The following ERC2 variants were observed in gnomAD, a reference collection of about 807,000 sequenced individuals.
The protein encoded by ERC2 is ERC protein 2.
In ERC2, 42 loss-of-function variants were observed where a neutral mutation model predicts 114.8. The ratio of observed to expected loss-of-function variants is 0.37; its 90% CI spans 0.29 to 0.47. The LOEUF (loss-of-function observed/expected upper bound fraction) is 0.47. ERC2 is among the 20% of genes least tolerant of loss of function. The probability of loss-of-function intolerance (pLI) is 0.99; values close to 1 mark genes in which losing one functional copy is unlikely to be tolerated. For synonymous variants in ERC2, 454 were observed against 425.5 expected (o/e 1.07, Z -0.82); for missense variants, 939 against 1,150.7 (o/e 0.82, Z 2.66).
chr3:55,673,554 GC>G, intron 17 of ERC2, among the ~76,000 whole-genome samples: 1 of 151,990 alleles, frequency 6.6e-6, no homozygotes, highest in Admixed American at 6.5e-5. Context: ...CTGCACTCTA[GC>G]CCGGTGACAA....
At chr3:56,392,315 G>A (rs1454338611) in intron 2 of ERC2, among the ~76,000 whole-genome samples, 3 of 152,004 alleles carry the variant, frequency 2.0e-5, no homozygotes, top group African/African-American at 7.2e-5. Context: ...TATATCTTTG[G>A]TTCTCCATTC....
At chr3:55,830,655 G>T (rs2060527713) in intron 14 of ERC2, among the ~76,000 whole-genome samples, 1 of 152,126 alleles carries the variant, frequency 6.6e-6, no homozygotes, top group African/African-American at 2.4e-5. Context: ...CACTAAAAAT[G>T]CAAAGAGGCT....
chr3:56,294,029 C>T (rs1256971183), intron 3 of ERC2, among the ~76,000 whole-genome samples: 1 of 152,236 alleles, frequency 6.6e-6, no homozygotes, highest in African/African-American at 2.4e-5. Flanking sequence ...CAAAATAAAA[C>T]AGCAGCTTTT....
At chr3:55,714,661 G>GTGTATATATATATATGTATATATATA (rs2063980174) in intron 15 of ERC2, among the ~76,000 whole-genome samples, 7 of 71,760 alleles carry the variant, frequency 9.8e-5, no homozygotes, top group African/African-American at 3.5e-4. Context: ...GTGTGTGTGT[G>GTGTATATATATATATGTATATATATA]TGTGTGTATA....
intron 15 of ERC2, among the ~76,000 whole-genome samples, chr3:55,733,403 CTCTCTG>C (rs2065385176): frequency 6.6e-6 from 1 of 151,684 alleles, no homozygotes; most frequent in African/African-American, 2.4e-5. Context: ...AGTGGTCTGT[CTCTCTG>C]TCTCTCTTTC....
At chr3:56,020,467 A>C (rs2149593556) in intron 7 of ERC2, among the ~76,000 whole-genome samples, 1 of 152,300 alleles carries the variant, frequency 6.6e-6, no homozygotes, top group East Asian at 1.9e-4. Flanking sequence ...ACTCCTTGGA[A>C]AACACAGCAA....
At chr3:55,553,640 C>T (rs994505892) in intron 17 of ERC2, among the ~76,000 whole-genome samples, 1 of 151,986 alleles carries the variant, frequency 6.6e-6, no homozygotes, top group Non-Finnish European at 1.5e-5. Flanking sequence ...ATTAGCTGGG[C>T]GTAGTGGCGG....
chr3:56,105,096 A>T (rs1425966886), intron 6 of ERC2, among the ~76,000 whole-genome samples: 1 of 148,304 alleles, frequency 6.7e-6, no homozygotes, highest in Non-Finnish European at 1.5e-5. Context: ...GCCAGCACAG[A>T]AAAAAAAAAC....
intron 5 of ERC2, among the ~76,000 whole-genome samples, chr3:56,145,147 C>A (rs1400333048): frequency 6.6e-6 from 1 of 152,130 alleles, no homozygotes. Flanking sequence ...TTTTTCACTG[C>A]AGATATGGCC....
chr3:55,751,227 C>T (rs2066685291), intron 14 of ERC2, among the ~76,000 whole-genome samples: 1 of 152,184 alleles, frequency 6.6e-6, no homozygotes, highest in Admixed American at 6.5e-5. Flanking sequence ...ATTGTTTGTA[C>T]TGAGTGACCG....
At chr3:56,149,168 G>C (rs911797531) in intron 4 of ERC2, 36 bp from the exon 5 acceptor site, 2 of 1,509,958 alleles carry the variant, frequency 1.3e-6, no homozygotes, top group Middle Eastern at 1.9e-4. Flanking sequence ...GAAAAATAAA[G>C]AATAAAAATT....
At chr3:55,532,844 T>C (rs1356926226) in intron 17 of ERC2, among the ~76,000 whole-genome samples, 1 of 152,222 alleles carries the variant, frequency 6.6e-6, no homozygotes, top group East Asian at 1.9e-4. Context: ...TTTAATAAAC[T>C]CTTGGTAGAG....
At chr3:55,705,389 T>A (rs1374874844) in intron 15 of ERC2, among the ~76,000 whole-genome samples, 1 of 152,166 alleles carries the variant, frequency 6.6e-6, no homozygotes, top group Non-Finnish European at 1.5e-5. Flanking sequence ...AAATGTGAGA[T>A]ATGCAAGTGT....
chr3:55,924,896 T>A (rs1185376758), intron 13 of ERC2, among the ~76,000 whole-genome samples: 1 of 152,172 alleles, frequency 6.6e-6, no homozygotes, highest in Non-Finnish European at 1.5e-5. Context: ...GTGAGCTTGA[T>A]CTGACTAGGG....
At chr3:55,571,124 CAAAAAAAAAA>C (rs60594862) in intron 17 of ERC2, among the ~76,000 whole-genome samples, 63 of 67,432 alleles carry the variant, frequency 9.3e-4, no homozygotes, top group Admixed American at 2.0e-3. Context: ...GAGACTCCGT[CAAAAAAAAAA>C]AAAAAAAAAA....
intron 7 of ERC2, among the ~76,000 whole-genome samples, chr3:56,022,990 G>A (rs2073821456): frequency 6.6e-6 from 1 of 152,166 alleles, no homozygotes; most frequent in Non-Finnish European, 1.5e-5. Context: ...GAGGTCACTT[G>A]ACAACCCTAA....
intron 14 of ERC2, among the ~76,000 whole-genome samples, chr3:55,791,978 C>T (rs1393868459): frequency 6.6e-6 from 1 of 152,176 alleles, no homozygotes; most frequent in Non-Finnish European, 1.5e-5. Flanking sequence ...TGGGCTTTCT[C>T]TCCAGACCCT....
rs376556315 is a variant in ERC2, at chr3:56,148,973, G to A, written c.1305+4C>T. On this transcript the variant is annotated splice_donor_region_variant and intron_variant, in intron 5 of 17. Transcript: ENST00000288221. ...ACATAAAAGTTTATAACCCTGGACC[G>A]TACCTTGGTCTTCATAAACTTGGAG... 55 of 1,612,394 alleles carry A rather than the reference G, an allele frequency of 3.4e-5. No individual in the cohort carries two copies. The highest frequency in any genetic ancestry group is 1.6e-4 in the African/African-American group (12 of 74,820).
chr3:55,776,952 T>A (rs2068669161), intron 14 of ERC2, among the ~76,000 whole-genome samples: 1 of 152,172 alleles, frequency 6.6e-6, no homozygotes, highest in Non-Finnish European at 1.5e-5. Context: ...ACGGGAGACA[T>A]CTACAACTTC....
Sources: gnomAD v4.1 joint callset for allele counts (sites outside exome capture counted in the v4.1 genomes callset) on GRCh38, gnomAD v4.1.1 for gene constraint, MANE v1.5 for transcripts, NCBI Gene and HGNC (gene_info 2026-07-23, HGNC 2026-07-21) for gene names.